The following INPP5A variants were observed in gnomAD, a reference collection of about 807,000 sequenced individuals.
INPP5A encodes the protein inositol polyphosphate-5-phosphatase A, also known as 43 kDa inositol polyphosphate 5-phophatase.
In INPP5A, 14 loss-of-function variants were observed where a neutral mutation model predicts 65.2. The ratio of observed to expected loss-of-function variants is 0.21; its 90% CI spans 0.14 to 0.34. INPP5A has a LOEUF of 0.34. Ranked by LOEUF, INPP5A falls within the 10% of genes least tolerant of loss-of-function variation. INPP5A has a pLI of 1.00. For missense variants in INPP5A, 431 were observed against 545.6 expected, an observed-to-expected ratio of 0.79 and a Z score of 2.09; for synonymous variants, 207 against 208.3, an observed-to-expected ratio of 0.99 and a Z score of 0.05.
chr10:132,642,802 G>A (rs923401624), intron 2 of INPP5A, among the ~76,000 whole-genome samples: 55 of 152,318 alleles, frequency 3.6e-4, no homozygotes, highest in African/African-American at 1.3e-3. Flanking sequence ...AGGGGCGGCC[G>A]CACGTGGGGA....
intron 4 of INPP5A, among the ~76,000 whole-genome samples, chr10:132,665,221 C>T (rs567836186): frequency 1.2e-4 from 19 of 152,286 alleles, no homozygotes; most frequent in Middle Eastern, 6.8e-3. Flanking sequence ...ACTTCCATCC[C>T]GAGAGTGTCT....
chr10:132,658,878 C>G (rs1265817482), intron 4 of INPP5A, among the ~76,000 whole-genome samples: 1 of 152,130 alleles, frequency 6.6e-6, no homozygotes, highest in East Asian at 1.9e-4. Flanking sequence ...TGGCTCCATG[C>G]ACCCGGCAGG....
intron 2 of INPP5A, among the ~76,000 whole-genome samples, chr10:132,629,532 G>C (rs959929296): frequency 6.6e-6 from 1 of 152,246 alleles, no homozygotes; most frequent in African/African-American, 2.4e-5. Flanking sequence ...CTGAACAGAA[G>C]GTTCTTCTGT....
Position 132,753,214 on chromosome 10 carries a change from T to C in INPP5A, c.903+3369T>C, listed in dbSNP as rs1284279666. On this transcript the variant is annotated intron_variant, in intron 11 of 15. Transcript: ENST00000368594. The surrounding 1 kb of genome is among the most constrained non-coding windows in gnomAD (Gnocchi z 5.3). ...ATGCCGAGTCAGTTGTGCCCAGAAA[T>C]TGGCAGTTGTCCCCATCGACGGAGG... is the stretch of plus-strand genomic sequence containing the variant. Among the ~76,000 whole-genome samples the C allele has an allele frequency of 6.6e-6, 1 of 152,014 alleles. No individual in the cohort carries two copies. The highest frequency in any genetic ancestry group is 1.5e-5 in the Non-Finnish European group (1 of 67,988).
intron 4 of INPP5A, among the ~76,000 whole-genome samples, chr10:132,660,596 C>T (rs574083956): frequency 1.3e-5 from 2 of 149,644 alleles, no homozygotes; most frequent in Non-Finnish European, 2.9e-5. Context: ...GTGGGAGTGG[C>T]TCTGGTGTCT....
At chr10:132,588,216 C>T (rs895597802) in intron 1 of INPP5A, among the ~76,000 whole-genome samples, 2 of 152,186 alleles carry the variant, frequency 1.3e-5, no homozygotes, top group Non-Finnish European at 2.9e-5. Context: ...AATTATCTCT[C>T]ATCAGAAGGT....
intron 11 of INPP5A, among the ~76,000 whole-genome samples, chr10:132,755,619 T>C (rs767823151): frequency 1.3e-5 from 2 of 148,484 alleles, no homozygotes; most frequent in African/African-American, 5.2e-5. Context: ...TGAGTGGGTG[T>C]GTGTGTGTGT....
chr10:132,615,645 C>A (rs567124142), intron 2 of INPP5A, among the ~76,000 whole-genome samples: 1 of 152,350 alleles, frequency 6.6e-6, no homozygotes, highest in South Asian at 2.1e-4. Flanking sequence ...GGGCAGGCCC[C>A]TTTGCTTGAG....
chr10:132,683,369 C>G (rs1159065834), intron 4 of INPP5A, among the ~76,000 whole-genome samples: 1 of 151,762 alleles, frequency 6.6e-6, no homozygotes, highest in Admixed American at 6.6e-5. Flanking sequence ...TACATATGCA[C>G]ACACGTTTAA....
intron 8 of INPP5A, among the ~76,000 whole-genome samples, chr10:132,718,582 G>A (rs1845791678): frequency 1.3e-5 from 2 of 149,564 alleles, no homozygotes; most frequent in African/African-American, 2.5e-5. Context: ...GTGGTACCTG[G>A]GTTCTGTCTA....
intron 1 of INPP5A, among the ~76,000 whole-genome samples, chr10:132,567,587 A>T (rs2071287928): frequency 6.6e-6 from 1 of 152,200 alleles, no homozygotes; most frequent in Non-Finnish European, 1.5e-5. Flanking sequence ...TGTTGACCAA[A>T]CTACAGGCTT....
At chr10:132,652,295 A>C (rs918911347) in intron 4 of INPP5A, among the ~76,000 whole-genome samples, 22 of 152,254 alleles carry the variant, frequency 1.4e-4, no homozygotes, top group Non-Finnish European at 2.8e-4. Context: ...TGAAACAGAG[A>C]GAAGGACTGA....
chr10:132,768,705 C>T (rs2134678975), intron 12 of INPP5A, among the ~76,000 whole-genome samples: 1 of 152,382 alleles, frequency 6.6e-6, no homozygotes, highest in Non-Finnish European at 1.5e-5. Flanking sequence ...CCCAGCTCCT[C>T]AGAAGCTGGG....
chr10:132,548,544 A>T (rs2071007890), intron 1 of INPP5A, among the ~76,000 whole-genome samples: 1 of 152,134 alleles, frequency 6.6e-6, no homozygotes, highest in South Asian at 2.1e-4. Flanking sequence ...TGGTTCACTG[A>T]CTTTGAGAAA....
chr10:132,573,181 G>C (rs2071370649), intron 1 of INPP5A, among the ~76,000 whole-genome samples: 1 of 144,740 alleles, frequency 6.9e-6, no homozygotes, highest in African/African-American at 2.6e-5. Context: ...TGCGATGTTG[G>C]GGTGTACGTG....
At chr10:132,701,744 T>C (rs1228619037) in intron 6 of INPP5A, among the ~76,000 whole-genome samples, 1 of 152,048 alleles carries the variant, frequency 6.6e-6, no homozygotes, top group Admixed American at 6.5e-5. Flanking sequence ...TCCTTCCTCT[T>C]GGGCCACCCC....
intron 2 of INPP5A, among the ~76,000 whole-genome samples, chr10:132,633,915 A>T (rs760529092): frequency 2.0e-5 from 3 of 152,236 alleles, no homozygotes; most frequent in Non-Finnish European, 4.4e-5. Context: ...TCAGCTGTGA[A>T]GCTCGTGGCC....
At chr10:132,755,584 G>A (rs1846588091) in intron 11 of INPP5A, among the ~76,000 whole-genome samples, 1 of 151,758 alleles carries the variant, frequency 6.6e-6, no homozygotes, top group Non-Finnish European at 1.5e-5. Context: ...GAGCGAGTGT[G>A]TGTGAGCAGG....
At chr10:132,730,029 G>C (rs1846054958) in intron 9 of INPP5A, among the ~76,000 whole-genome samples, 1 of 152,224 alleles carries the variant, frequency 6.6e-6, no homozygotes, top group Non-Finnish European at 1.5e-5. Context: ...CCGTCCTTCA[G>C]GAATTGAGTC....
Sources: allele counts gnomAD v4.1 joint callset (sites outside exome capture counted in the v4.1 genomes callset), GRCh38; gene constraint gnomAD v4.1.1; non-coding constraint Gnocchi (gnomAD v3.1); transcripts MANE v1.5; gene names NCBI Gene and HGNC (gene_info 2026-07-23, HGNC 2026-07-21).